Variants in SLC8A1 observed in about 807,000 individuals in gnomAD.
SLC8A1 encodes solute carrier family 8 member A1, also known as sodium/calcium exchanger 1.
A neutral mutation model predicts 68.3 loss-of-function variants in SLC8A1; 18 were observed. The observed-to-expected ratio is 0.26, with a 90% CI of 0.18 to 0.39. The LOEUF is 0.39. Ranked by LOEUF, SLC8A1 falls within the 10% of genes least tolerant of loss-of-function variation. The pLI is 1.00. For missense variants in SLC8A1, 985 were observed against 1,156.7 expected (o/e 0.85, Z 2.15); for synonymous variants, 475 against 415.5 (o/e 1.14, Z -1.74).
rs544609627 is a variant in SLC8A1 at position 40,110,091 on chromosome 2, GGAAAAAGTCAAA to G, written c.*5150_*5161del. 4.6e-5 allele frequency: 7 copies of G among 152,244 alleles called. No homozygotes were observed. In the South Asian group the frequency reaches 8.3e-4, roughly 18 times the overall value. 9.4% of individuals were successfully genotyped at this position (152,244 alleles called of 1,614,324 possible). A position where few individuals can be genotyped will look rare whatever the true frequency, so the allele number is the denominator to read the frequency against. On this transcript the variant is annotated 3_prime_UTR_variant, in exon 8 of 8. Transcript: ENST00000406785. Reference sequence around the variant, plus strand: ...TACATTTGGACATCTTGACAGGCAGGGAAAAAGTCAAAGAAAGTGAAATACGTACCATTTCTT... The same window carrying G: ...TACATTTGGACATCTTGACAGGCAGGGAAAGTGAAATACGTACCATTTCTT...
chr2:40,329,060 T>A (rs12990632), intron 2 of SLC8A1, among the ~76,000 whole-genome samples: 2 of 141,144 alleles, frequency 1.4e-5, no homozygotes, highest in Non-Finnish European at 3.1e-5. Flanking sequence ...CACTACAACC[T>A]CACACACACA....
chr2:40,348,927 G>C (rs1670201814), intron 2 of SLC8A1, among the ~76,000 whole-genome samples: 1 of 152,174 alleles, frequency 6.6e-6, no homozygotes, highest in Non-Finnish European at 1.5e-5. Flanking sequence ...AAATGACTCA[G>C]AATAAATGAA....
intron 2 of SLC8A1, among the ~76,000 whole-genome samples, chr2:40,234,742 T>C (rs2060140645): frequency 6.6e-6 from 1 of 152,292 alleles, no homozygotes; most frequent in East Asian, 1.9e-4. Flanking sequence ...GGGTTTGTCA[T>C]AGATAGCTCT....
intron 2 of SLC8A1, among the ~76,000 whole-genome samples, chr2:40,182,506 C>T (rs895543279): frequency 6.6e-6 from 1 of 151,920 alleles, no homozygotes; most frequent in Non-Finnish European, 1.5e-5. Flanking sequence ...AAGAAAAAAA[C>T]ATTCGGTTAA....
chr2:40,214,071 T>G (rs1480029662), intron 2 of SLC8A1, among the ~76,000 whole-genome samples: 1 of 152,216 alleles, frequency 6.6e-6, no homozygotes, highest in Non-Finnish European at 1.5e-5. Flanking sequence ...AAGTCCCATT[T>G]GATGAGGGCT....
chr2:40,309,809 A>T (rs901525305), intron 2 of SLC8A1, among the ~76,000 whole-genome samples: 2 of 152,096 alleles, frequency 1.3e-5, no homozygotes, highest in East Asian at 3.9e-4. Flanking sequence ...CATCCTAACC[A>T]TTTTTTATTG....
intron 2 of SLC8A1, among the ~76,000 whole-genome samples, chr2:40,311,584 T>C (rs2073681394): frequency 6.6e-6 from 1 of 152,090 alleles, no homozygotes; most frequent in Admixed American, 6.6e-5. Flanking sequence ...AGTGTGTTTA[T>C]TTATATTTGT....
chr2:40,262,541 G>T (rs1349741966), intron 2 of SLC8A1, among the ~76,000 whole-genome samples: 2 of 152,080 alleles, frequency 1.3e-5, no homozygotes, highest in East Asian at 3.9e-4. Flanking sequence ...TGATCTATTG[G>T]TTTGTAAACC....
intron 2 of SLC8A1, among the ~76,000 whole-genome samples, chr2:40,187,631 C>A (rs35372653): frequency 0.01 from 1,542 of 151,648 alleles, 9 homozygotes; most frequent in African/African-American, 0.015. Flanking sequence ...AAATTTAGTT[C>A]TTTAGTCTAT....
At chr2:40,361,881 T>C (rs1674725646) in intron 2 of SLC8A1, among the ~76,000 whole-genome samples, 1 of 149,234 alleles carries the variant, frequency 6.7e-6, no homozygotes, top group East Asian at 1.9e-4. Context: ...TTATATCTTT[T>C]CTTTCCTTTT....
chr2:40,373,327 A>T (rs749324536), intron 2 of SLC8A1, among the ~76,000 whole-genome samples: 2 of 152,108 alleles, frequency 1.3e-5, no homozygotes, highest in African/African-American at 4.8e-5. Flanking sequence ...GCCAGGGTCA[A>T]TCTCAGCAGA....
chr2:40,418,966 C>T (rs951571532), intron 2 of SLC8A1, among the ~76,000 whole-genome samples: 9 of 152,168 alleles, frequency 5.9e-5, no homozygotes, highest in African/African-American at 1.9e-4. Context: ...TGGCAAGAGC[C>T]CCATCAGGTG....
At chr2:40,287,602 G>A (rs1013644026) in intron 2 of SLC8A1, among the ~76,000 whole-genome samples, 5 of 150,966 alleles carry the variant, frequency 3.3e-5, no homozygotes, top group African/African-American at 1.2e-4. Flanking sequence ...GTGTGTGTGT[G>A]TGTGTGTGTG....
At chr2:40,322,856 C>G (rs1422897820) in intron 2 of SLC8A1, among the ~76,000 whole-genome samples, 1 of 151,800 alleles carries the variant, frequency 6.6e-6, no homozygotes, top group African/African-American at 2.4e-5. Flanking sequence ...ACACACCACA[C>G]ACACCCCACA....
chr2:40,424,397 GCAAAAA>G (rs1696323198), intron 2 of SLC8A1, among the ~76,000 whole-genome samples: 2 of 151,600 alleles, frequency 1.3e-5, no homozygotes. Context: ...CCCATAAATA[GCAAAAA>G]CAAAATATTT....
In SLC8A1 at chr2:40,257,042, AAATAAATG is replaced by A. The variant is rs1045124507; in HGVS notation, c.1809-79195_1809-79188del. On this transcript the variant is annotated intron_variant, in intron 2 of 7. Coordinates refer to ENST00000406785, the Ensembl canonical transcript of SLC8A1. ...TAAATAAATAAATAAATAAATAAATAAATAAATGAATAAAATGAATCATAACAAATATA... is the reference window on the plus strand; with the variant it reads ...TAAATAAATAAATAAATAAATAAATAAATAAAATGAATCATAACAAATATA... Among the ~76,000 whole-genome samples, 15 of 49,510 alleles carry A rather than the reference AAATAAATG, an allele frequency of 3.0e-4. No individual in the cohort carries two copies. In the South Asian group the frequency reaches 8.2e-3, roughly 27 times the overall value. 32.5% of individuals were successfully genotyped at this position (49,510 alleles called of 152,430 possible).
At chr2:40,344,856 C>A (rs1575569917) in intron 2 of SLC8A1, among the ~76,000 whole-genome samples, 2 of 152,164 alleles carry the variant, frequency 1.3e-5, no homozygotes, top group East Asian at 3.9e-4. Flanking sequence ...GAACATTCAG[C>A]ATGGTAATCA....
intron 6 of SLC8A1, among the ~76,000 whole-genome samples, chr2:40,158,836 G>GTGTT (rs2045120723): frequency 6.6e-6 from 1 of 152,092 alleles, no homozygotes; most frequent in Non-Finnish European, 1.5e-5. Flanking sequence ...ACATATGAAA[G>GTGTT]TGTTTGCAAG....
chr2:40,506,283 A>G (rs1399335887), intron 1 of SLC8A1, among the ~76,000 whole-genome samples: 2 of 151,936 alleles, frequency 1.3e-5, no homozygotes, highest in Admixed American at 6.6e-5. Context: ...CAAAAAGTAG[A>G]TACAATTATC....
Sources: allele counts gnomAD v4.1 joint callset (sites outside exome capture counted in the v4.1 genomes callset), GRCh38; gene constraint gnomAD v4.1.1; transcripts MANE v1.5; gene names NCBI Gene and HGNC (gene_info 2026-07-23, HGNC 2026-07-21).